The following SPATA16 variants were observed in gnomAD, a reference collection of about 807,000 sequenced individuals.
The protein encoded by SPATA16 is spermatogenesis-associated protein 16.
In SPATA16, 36 loss-of-function variants were observed where a neutral mutation model predicts 63.3. The observed-to-expected ratio is 0.57, with a 90% CI of 0.44 to 0.75. The LOEUF is 0.75. Among genes scored for constraint, SPATA16 ranks in the 30% least tolerant of loss-of-function variants. The pLI is 0.00. For missense variants in SPATA16, 646 were observed against 679.3 expected (o/e 0.95, Z 0.54); for synonymous variants, 203 against 216.7 (o/e 0.94, Z 0.56).
At chr3:173,094,243 C>G (rs1323168039) in intron 2 of SPATA16, among the ~76,000 whole-genome samples, 1 of 152,076 alleles carries the variant, frequency 6.6e-6, no homozygotes, top group African/African-American at 2.4e-5. Flanking sequence ...AATTTTATCA[C>G]CATAAGAACA....
At chr3:173,059,438 T>G (rs565603880) in intron 2 of SPATA16, among the ~76,000 whole-genome samples, 64 of 151,936 alleles carry the variant, frequency 4.2e-4, no homozygotes, top group Non-Finnish European at 8.2e-4. Context: ...TTTTTCTTAT[T>G]CATTATCTTA....
chr3:173,048,086 A>G (rs1345669949), intron 3 of SPATA16, among the ~76,000 whole-genome samples: 1 of 152,138 alleles, frequency 6.6e-6, no homozygotes, highest in African/African-American at 2.4e-5. Flanking sequence ...CCAGTTGGTT[A>G]TTAAGAAAGC....
chr3:173,023,448 T>C (rs1560099584), intron 3 of SPATA16, among the ~76,000 whole-genome samples: 1 of 152,036 alleles, frequency 6.6e-6, no homozygotes, highest in Non-Finnish European at 1.5e-5. Flanking sequence ...GGGAAACAAC[T>C]GCCTAATGTC....
At chr3:172,922,998 C>T (rs1732648200) in intron 8 of SPATA16, among the ~76,000 whole-genome samples, 1 of 152,142 alleles carries the variant, frequency 6.6e-6, no homozygotes, top group Non-Finnish European at 1.5e-5. Context: ...AGAGCTAGGC[C>T]ACAGGCAGAT....
intron 6 of SPATA16, among the ~76,000 whole-genome samples, chr3:172,931,193 A>C (rs1732862975): frequency 6.6e-6 from 1 of 152,112 alleles, no homozygotes; most frequent in Admixed American, 6.5e-5. Flanking sequence ...ATGTCTTAAC[A>C]CCCTGACAAC....
chr3:173,097,429 A>C (rs1737386357), intron 2 of SPATA16, among the ~76,000 whole-genome samples: 1 of 152,236 alleles, frequency 6.6e-6, no homozygotes, highest in African/African-American at 2.4e-5. Context: ...TGGTAAGAAC[A>C]AATCTATCCA....
rs775552135 is a variant in SPATA16, at chr3:172,925,440, A to T, written c.1134T>A (p.Pro378=). 6.2e-7 allele frequency: 1 copy of T among 1,614,010 alleles called. No individual in the cohort carries two copies. The highest frequency in any genetic ancestry group is 8.5e-7 in the Non-Finnish European group (1 of 1,179,950). The change falls in exon 7 of 11, where the codon CCT becomes CCA. Residue 378 remains proline (P), a synonymous_variant. Coordinates refer to ENST00000351008, the MANE Select transcript of SPATA16 (RefSeq NM_031955.6). ...CAAGAGTCAAGAGATATTGTTGGGG[A>T]GGAAAAGATGACCAGTCAACTGTCT... ...LPQTVDWSSF[P]PQQYLLTLGF...
At chr3:173,018,080 T>G (rs1419461386) in intron 4 of SPATA16, among the ~76,000 whole-genome samples, 1 of 151,412 alleles carries the variant, frequency 6.6e-6, no homozygotes, top group Non-Finnish European at 1.5e-5. Context: ...AAAAAGAGAG[T>G]GATAAAGACC....
chr3:172,964,169 A>G (rs1733854304), intron 5 of SPATA16, among the ~76,000 whole-genome samples: 1 of 152,188 alleles, frequency 6.6e-6, no homozygotes, highest in Non-Finnish European at 1.5e-5. Context: ...CCCTCATTAG[A>G]TTTAGGACAT....
At chr3:172,919,047 A>AT (rs1382190120) in intron 8 of SPATA16, among the ~76,000 whole-genome samples, 1 of 152,222 alleles carries the variant, frequency 6.6e-6, no homozygotes, top group African/African-American at 2.4e-5. Context: ...ATATGTAAAC[A>AT]TTTTTTATGC....
chr3:172,936,675 C>A (rs1055109289), intron 6 of SPATA16, among the ~76,000 whole-genome samples: 1 of 151,834 alleles, frequency 6.6e-6, no homozygotes, highest in African/African-American at 2.4e-5. Context: ...GTATAGGAGG[C>A]CTGGGACTTT....
intron 6 of SPATA16, among the ~76,000 whole-genome samples, chr3:172,948,415 C>T (rs1245890459): frequency 6.6e-6 from 1 of 152,104 alleles, no homozygotes; most frequent in Non-Finnish European, 1.5e-5. Flanking sequence ...GAAATTAAGA[C>T]TTTCTCAGAC....
rs71162325 is a variant in SPATA16, at chr3:173,056,705, C to CAAAA, written c.613-7615_613-7612dup. ...GAGCAACAGAGTGAGACTCTTGTTT[C>CAAAA]AAAAAAAAAAAAAAAAAAAAAAAAG... is the stretch of plus-strand genomic sequence containing the variant. On this transcript the variant is annotated intron_variant, in intron 2 of 10. Transcript: ENST00000351008. Among the ~76,000 whole-genome samples, 185 of 73,508 alleles carry CAAAA rather than the reference C, an allele frequency of 2.5e-3. 10 individuals carry two copies. Among genetic ancestry groups the CAAAA allele is most frequent in the Middle Eastern group, 0.019 (1 of 54 alleles). The allele number at this position is 73,508 out of a possible 152,430, so 48.2% of individuals were successfully genotyped here.
At chr3:172,897,876 A>G (rs1421147768) in intron 10 of SPATA16, among the ~76,000 whole-genome samples, 2 of 152,040 alleles carry the variant, frequency 1.3e-5, no homozygotes, top group Non-Finnish European at 2.9e-5. Flanking sequence ...TATTAAGTGT[A>G]TTTAACTATA....
intron 3 of SPATA16, among the ~76,000 whole-genome samples, chr3:173,043,549 T>A (rs1160885005): frequency 1.3e-5 from 2 of 152,004 alleles, no homozygotes; most frequent in Non-Finnish European, 2.9e-5. Flanking sequence ...AACATTTATC[T>A]TTAAGGACAT....
intron 6 of SPATA16, among the ~76,000 whole-genome samples, chr3:172,951,983 A>G (rs1484040374): frequency 6.6e-6 from 1 of 152,198 alleles, no homozygotes; most frequent in Non-Finnish European, 1.5e-5. Flanking sequence ...AAATTCTTAC[A>G]TATAGCTTCC....
chr3:173,099,581 T>C (rs1422801275), intron 2 of SPATA16, among the ~76,000 whole-genome samples: 2 of 152,130 alleles, frequency 1.3e-5, no homozygotes, highest in East Asian at 3.9e-4. Context: ...TGGAGGGAAA[T>C]TTTGTGGTTG....
chr3:172,978,478 A>G (rs7433303), intron 4 of SPATA16, among the ~76,000 whole-genome samples: 1 of 152,198 alleles, frequency 6.6e-6, no homozygotes, highest in East Asian at 1.9e-4. Context: ...GGTGCCTGTT[A>G]TTTAATAGAA....
At chr3:173,089,264 G>A (rs913825864) in intron 2 of SPATA16, among the ~76,000 whole-genome samples, 1 of 152,174 alleles carries the variant, frequency 6.6e-6, no homozygotes, top group African/African-American at 2.4e-5. Flanking sequence ...GGAAGGTAGA[G>A]GAAACACTGA....
Sources: gnomAD v4.1 joint callset for allele counts (sites outside exome capture counted in the v4.1 genomes callset) on GRCh38, gnomAD v4.1.1 for gene constraint, MANE v1.5 for transcripts, NCBI Gene and HGNC (gene_info 2026-07-23, HGNC 2026-07-21) for gene names.